Variants in NRCAM observed in about 807,000 individuals in gnomAD.
The protein encoded by NRCAM is neuronal cell adhesion molecule.
A neutral mutation model predicts 156.5 loss-of-function variants in NRCAM; 83 were observed. The ratio of observed to expected loss-of-function variants is 0.53; its 90% confidence interval spans 0.44 to 0.64. The LOEUF is 0.64. NRCAM is among the 30% of genes least tolerant of loss of function. The pLI is 0.00. For missense variants in NRCAM, 1,417 were observed against 1,597.3 expected (o/e 0.89, Z 1.92); for synonymous variants, 538 against 563.9 (o/e 0.95, Z 0.65).
At chr7:108,342,056 C>T (rs1017276525) in intron 2 of NRCAM, among the ~76,000 whole-genome samples, 2 of 152,222 alleles carry the variant, frequency 1.3e-5, no homozygotes, top group Non-Finnish European at 1.5e-5. Context: ...AACGTCTCAA[C>T]TCACTTGGAC....
At chr7:108,339,483 G>A (rs1226187341) in intron 2 of NRCAM, among the ~76,000 whole-genome samples, 2 of 152,172 alleles carry the variant, frequency 1.3e-5, no homozygotes, top group Non-Finnish European at 2.9e-5. Flanking sequence ...ATCTTGATGG[G>A]GCAGCTGGGT....
At chr7:108,339,114 A>G (rs1388771440) in intron 2 of NRCAM, among the ~76,000 whole-genome samples, 1 of 152,228 alleles carries the variant, frequency 6.6e-6, no homozygotes, top group Non-Finnish European at 1.5e-5. Context: ...TTTAACACTA[A>G]TCACTGATAA....
chr7:108,234,018 T>A (rs1364032166), intron 6 of NRCAM, among the ~76,000 whole-genome samples: 1 of 152,224 alleles, frequency 6.6e-6, no homozygotes, highest in Non-Finnish European at 1.5e-5. Flanking sequence ...CCAAATGGCA[T>A]GAATTCTCAT....
chr7:108,167,220 C>T, intron 29 of NRCAM, 147 bp from the exon 30 acceptor site: 1 of 611,326 alleles, frequency 1.6e-6, no homozygotes, highest in Non-Finnish European at 2.8e-6. Flanking sequence ...TAAATGTAGT[C>T]ATGTCAAACA....
chr7:108,168,467 A>G lies in NRCAM; in HGVS notation c.3188-65T>C, dbSNP rs932306557. 6.1e-6 allele frequency: 8 copies of G among 1,322,296 alleles called. No individual in the cohort carries two copies. In the African/African-American group the frequency reaches 7.5e-5, roughly 12 times the overall value. 81.9% of individuals were successfully genotyped at this position (1,322,296 alleles called of 1,614,324 possible). A position where few individuals can be genotyped will look rare whatever the true frequency, so the allele number is the denominator to read the frequency against. On this transcript the variant is annotated intron_variant, in intron 28 of 32. Transcript: ENST00000379028. Reference sequence around the variant, plus strand: ...GCAACACCATACACACGAATATAAAATAAGTTTAAATACTCTGAAATTGTG... The same window carrying G: ...GCAACACCATACACACGAATATAAAGTAAGTTTAAATACTCTGAAATTGTG...
chr7:108,150,690 C>A (rs1228251798), intron 32 of NRCAM: 1 of 532,372 alleles, frequency 1.9e-6, no homozygotes, highest in Non-Finnish European at 3.9e-6. Context: ...AAACTTCAAC[C>A]TTACCTTTCA....
At chr7:108,164,344 A>G (rs2052148110) in intron 30 of NRCAM, among the ~76,000 whole-genome samples, 1 of 152,210 alleles carries the variant, frequency 6.6e-6, no homozygotes, top group African/African-American at 2.4e-5. Flanking sequence ...TAAGAAATAT[A>G]CCTTAGAAAT....
chr7:108,423,439 C>T (rs1812901063), intron 1 of NRCAM, among the ~76,000 whole-genome samples: 1 of 151,838 alleles, frequency 6.6e-6, no homozygotes, highest in Non-Finnish European at 1.5e-5. Flanking sequence ...GGAAGAGGCA[C>T]ACATAAAATG....
chr7:108,392,122 C>T (rs1368816286), intron 2 of NRCAM, among the ~76,000 whole-genome samples: 2 of 152,090 alleles, frequency 1.3e-5, no homozygotes, highest in Non-Finnish European at 2.9e-5. Context: ...TGTTGGCCTG[C>T]CTTGCTATGT....
intron 2 of NRCAM, among the ~76,000 whole-genome samples, chr7:108,316,731 G>A (rs1317926730): frequency 2.0e-5 from 3 of 151,638 alleles, no homozygotes; most frequent in African/African-American, 7.3e-5. Context: ...AGAGCTTGCA[G>A]TGAGCCAAGA....
intron 2 of NRCAM, among the ~76,000 whole-genome samples, chr7:108,362,614 A>C (rs1376350670): frequency 6.6e-6 from 1 of 152,318 alleles, no homozygotes; most frequent in East Asian, 1.9e-4. Context: ...AGTTAAGTAC[A>C]TGGTTGGTGG....
intron 3 of NRCAM, among the ~76,000 whole-genome samples, chr7:108,256,932 C>G (rs2153970737): frequency 6.6e-6 from 1 of 150,782 alleles, no homozygotes; most frequent in East Asian, 2.0e-4. Context: ...TCACTTGAAC[C>G]CGGGAGGTGG....
At chr7:108,236,156 G>T (rs2094960853) in intron 5 of NRCAM, among the ~76,000 whole-genome samples, 1 of 152,090 alleles carries the variant, frequency 6.6e-6, no homozygotes, top group South Asian at 2.1e-4. Flanking sequence ...GTGGTTAATT[G>T]TTGCTAGAGC....
chr7:108,366,886 T>C (rs929645615), intron 2 of NRCAM, among the ~76,000 whole-genome samples: 1 of 152,230 alleles, frequency 6.6e-6, no homozygotes, highest in Non-Finnish European at 1.5e-5. Context: ...TAAGTAAAGC[T>C]GGGACAAAAA....
Position 108,440,891 on chromosome 7 carries a change from A to C in NRCAM, c.-332+15352T>G, listed in dbSNP as rs1428704825. Among the ~76,000 whole-genome samples, 5 of 152,170 alleles carry C rather than the reference A, an allele frequency of 3.3e-5. No homozygotes were observed. The East Asian group carries it at 9.6e-4, about 29-fold the overall frequency. The stretch of plus-strand genomic sequence containing the variant: ...ACGAAGTATTTCCTAATTTCAGCCT[A>C]CTCTGAGAACCTTCAGCTTTTAAAG... On this transcript the variant is annotated intron_variant, in intron 1 of 32. Transcript: ENST00000379028.
chr7:108,283,349 G>C (rs1221715222), intron 3 of NRCAM, among the ~76,000 whole-genome samples: 1 of 152,156 alleles, frequency 6.6e-6, no homozygotes, highest in East Asian at 1.9e-4. Flanking sequence ...CATAATATTT[G>C]GTAGAAAGTG....
At chr7:108,291,815 G>A (rs1403330338) in intron 3 of NRCAM, among the ~76,000 whole-genome samples, 2 of 152,118 alleles carry the variant, frequency 1.3e-5, no homozygotes, top group African/African-American at 4.8e-5. Context: ...TTAAAAAAAG[G>A]ATCTGAAATC....
chr7:108,207,619 C>A lies in NRCAM; in HGVS notation c.1116G>T (p.Leu372=). 1 of 1,613,786 alleles carries A rather than the reference C, an allele frequency of 6.2e-7. No individual in the cohort carries two copies. Among genetic ancestry groups the A allele is most frequent in the Non-Finnish European group, 8.5e-7 (1 of 1,179,800 alleles). ...YWITAPQNLV[L]SPGEDGTLIC... is the part of the protein sequence containing the mutation. Reference sequence around the variant, plus strand: ...TCAAGGTCCCATCCTCTCCTGGGGACAGCACAAGATTTTGAGGGGCTGTGA... The same window carrying A: ...TCAAGGTCCCATCCTCTCCTGGGGAAAGCACAAGATTTTGAGGGGCTGTGA... Residue 372 remains leucine, a synonymous_variant, in exon 13 of 33, where the codon CTG becomes CTT. Coordinates refer to ENST00000379028, the MANE Select transcript of NRCAM (RefSeq NM_001037132.4).
At chr7:108,356,462 C>T (rs923022601) in intron 2 of NRCAM, among the ~76,000 whole-genome samples, 3 of 152,012 alleles carry the variant, frequency 2.0e-5, no homozygotes, top group Non-Finnish European at 4.4e-5. Context: ...AATGTATTCC[C>T]CACAGAGAAG....
Sources: allele counts gnomAD v4.1 joint callset (sites outside exome capture counted in the v4.1 genomes callset), GRCh38; gene constraint gnomAD v4.1.1; transcripts MANE v1.5; gene names NCBI Gene and HGNC (gene_info 2026-07-23, HGNC 2026-07-21).